Variants in ING5 observed in about 807,000 individuals in gnomAD.
The protein encoded by ING5 is inhibitor of growth family member 5, also known as inhibitor of growth protein 5.
A neutral mutation model predicts 37.4 loss-of-function variants in ING5; 17 were observed. That is an observed-to-expected ratio of 0.45 (90% CI 0.31 to 0.68). ING5 has a LOEUF of 0.68. Ranked by LOEUF, ING5 falls within the 30% of genes least tolerant of loss-of-function variation. The pLI is 0.05. For synonymous variants in ING5, 123 were observed against 116.6 expected, an observed-to-expected ratio of 1.06 and a Z score of -0.36; for missense variants, 233 against 311.9, an observed-to-expected ratio of 0.75 and a Z score of 1.91.
At chr2:241,703,051 A>C (rs1283016817) in intron 1 of ING5, among the ~76,000 whole-genome samples, 1 of 151,944 alleles carries the variant, frequency 6.6e-6, no homozygotes, top group African/African-American at 2.4e-5. Flanking sequence ...GATTCTGCCC[A>C]TGTGCTCCGC....
rs1341414970 is a variant in ING5 at position 241,725,926 on chromosome 2, G to A, written c.*895G>A. 1 of 152,646 alleles carries A rather than the reference G, an allele frequency of 6.6e-6. No homozygotes were observed. Among genetic ancestry groups the A allele is most frequent in the Non-Finnish European group, 1.5e-5 (1 of 68,042 alleles). 9.5% of individuals were successfully genotyped at this position (152,646 alleles called of 1,614,324 possible). On this transcript the variant is annotated 3_prime_UTR_variant, in exon 8 of 8. Coordinates refer to ENST00000313552, the MANE Select transcript of ING5 (RefSeq NM_032329.6). Reference sequence around the variant, plus strand: ...TCCCAGGCCCGCAGCTCCCGGTCGAGGGGACTCCGATGTGAATTTGTTGTG... The same window carrying A: ...TCCCAGGCCCGCAGCTCCCGGTCGAAGGGACTCCGATGTGAATTTGTTGTG...
intron 5 of ING5, chr2:241,720,379 G>A (rs1345977046): frequency 3.4e-6 from 4 of 1,174,444 alleles, no homozygotes; most frequent in Non-Finnish European, 4.2e-6. Context: ...TCCTGTCCCT[G>A]TGGACTGCCC....
chr2:241,719,500 G>A, intron 5 of ING5: 1 of 1,509,084 alleles, frequency 6.6e-7, no homozygotes, highest in East Asian at 2.5e-5. Flanking sequence ...AGCGTTCTGA[G>A]TCTTCCTGCT....
chr2:241,693,634 G>A (rs191018320), intron 2 of ING5, among the ~76,000 whole-genome samples: 21 of 146,676 alleles, frequency 1.4e-4, no homozygotes, highest in African/African-American at 5.2e-4. Context: ...TAGAGTTGTT[G>A]CACTGAGAAA....
At chr2:241,699,039 G>T (rs569115347), upstream of ING5, among the ~76,000 whole-genome samples, 369 of 113,984 alleles carry the variant, frequency 3.2e-3, 6 homozygotes, top group African/African-American at 0.015. Flanking sequence ...ATTTTTTTTT[G>T]GGGGGGGAGG....
rs1575139101 is a variant in ING5, at chr2:241,720,131, C to T, written c.483-2808C>T. Reference sequence around the variant, plus strand: ...CAGACGGGTCATCCTGAGGACCAGTCGGTTGGACCCAAAGCCTGGCCTGCC... The same window carrying T: ...CAGACGGGTCATCCTGAGGACCAGTTGGTTGGACCCAAAGCCTGGCCTGCC... On this transcript the variant is annotated intron_variant, in intron 5 of 7. Coordinates refer to ENST00000313552, the MANE Select transcript of ING5 (RefSeq NM_032329.6). The T allele has an allele frequency of 1.9e-5, 24 of 1,237,398 alleles. No individual in the cohort carries two copies. In the East Asian group the frequency reaches 5.0e-4, roughly 26 times the overall value. 76.7% of individuals were successfully genotyped at this position (1,237,398 alleles called of 1,614,324 possible). A position where few individuals can be genotyped will look rare whatever the true frequency, so the allele number is the denominator to read the frequency against.
intron 5 of ING5, chr2:241,719,991 TGTCCCATTGCAAGACGTCGAGA>T: frequency 8.0e-7 from 1 of 1,253,892 alleles, no homozygotes; most frequent in East Asian, 3.1e-5. Context: ...GTGCTGCTCC[TGTCCCATTGCAAGACGTCGAGA>T]CAGGCTGGTA....
At chr2:241,710,163 A>G (rs570964787) in intron 3 of ING5, among the ~76,000 whole-genome samples, 65 of 151,530 alleles carry the variant, frequency 4.3e-4, no homozygotes, top group African/African-American at 1.4e-3. Context: ...CTGGAGTGCA[A>G]TGGTGCTATC....
rs1275047325 is a variant in ING5, at chr2:241,693,131, C to T, written c.43+2478C>T. ...CAAATTAGCTGGGTGTGGTGACGGGCGCCTGTAATCCCAGCTACTCAGGAG... is the reference window on the plus strand; with the variant it reads ...CAAATTAGCTGGGTGTGGTGACGGGTGCCTGTAATCCCAGCTACTCAGGAG... On this transcript the variant is annotated intron_variant, in intron 2 of 7. Coordinates refer to the ING5 transcript ENST00000636051. Among the ~76,000 whole-genome samples, 8 of 151,708 alleles carry T rather than the reference C, an allele frequency of 5.3e-5. No homozygotes were observed. In the East Asian group the frequency reaches 5.9e-4, roughly 11 times the overall value.
At chr2:241,703,136 G>A (rs890154578) in intron 1 of ING5, among the ~76,000 whole-genome samples, 14 of 152,172 alleles carry the variant, frequency 9.2e-5, no homozygotes, top group African/African-American at 3.4e-4. Flanking sequence ...TGGAGGGGAG[G>A]CCTTCTCTAT....
intron 2 of ING5, among the ~76,000 whole-genome samples, chr2:241,706,790 T>C (rs1253364164): frequency 6.6e-6 from 1 of 152,126 alleles, no homozygotes; most frequent in Non-Finnish European, 1.5e-5. Flanking sequence ...ATTGCTGCCT[T>C]GTCTCCTAGC....
intron 2 of ING5, among the ~76,000 whole-genome samples, chr2:241,693,504 GTTGCAACCCAGCC>G (rs1345370949): frequency 6.6e-6 from 1 of 151,922 alleles, no homozygotes; most frequent in Non-Finnish European, 1.5e-5. Context: ...CATACCCCTT[GTTGCAACCCAGCC>G]TTGACCAGGC....
chr2:241,690,061 G>C (rs1207789688), exon 2 of ING5: 1 of 152,176 alleles, frequency 6.6e-6, no homozygotes, highest in Non-Finnish European at 1.5e-5. Context: ...GATGCAGAGG[G>C]ACACAGCGCA....
At chr2:241,693,532 G>A (rs1340889631) in intron 2 of ING5, among the ~76,000 whole-genome samples, 3 of 151,952 alleles carry the variant, frequency 2.0e-5, no homozygotes, top group South Asian at 2.1e-4. Context: ...CCAGGCAGAC[G>A]ATGGCAAGGC....
intron 1 of ING5, among the ~76,000 whole-genome samples, chr2:241,704,271 A>C (rs2069833383): frequency 6.6e-6 from 1 of 152,172 alleles, no homozygotes; most frequent in Non-Finnish European, 1.5e-5. Context: ...TGTAGACTTG[A>C]AGTATAAAAC....
rs373402494 is a variant in ING5 at position 241,726,256 on chromosome 2, G to A, written c.*1225G>A. ...AAGAAACCTGAGGGAAAACTGAGAC[G>A]TGAGGTTCCTGATTTAAGAAGCCTG... On this transcript the variant is annotated 3_prime_UTR_variant, in exon 8 of 8. Coordinates refer to ENST00000313552, the MANE Select transcript of ING5 (RefSeq NM_032329.6). The A allele has an allele frequency of 5.9e-5, 9 of 152,362 alleles. No homozygotes were observed. The East Asian group carries it at 1.5e-3, about 26-fold the overall frequency. The allele number at this position is 152,362 out of a possible 1,614,324, so 9.4% of individuals were successfully genotyped here. A position where few individuals can be genotyped will look rare whatever the true frequency, so the allele number is the denominator to read the frequency against.
intron 2 of ING5, among the ~76,000 whole-genome samples, chr2:241,692,952 A>G (rs918274371): frequency 6.6e-6 from 1 of 151,912 alleles, no homozygotes; most frequent in Non-Finnish European, 1.5e-5. Flanking sequence ...TCACATTAGG[A>G]CTTCATTTAA....
chr2:241,717,398 C>A (rs574022416), intron 5 of ING5, among the ~76,000 whole-genome samples: 1 of 152,064 alleles, frequency 6.6e-6, no homozygotes, highest in East Asian at 1.9e-4. Flanking sequence ...TATTTATTTT[C>A]TTTCTTTAAA....
upstream of ING5, among the ~76,000 whole-genome samples, chr2:241,700,954 G>T (rs995857967): frequency 6.9e-6 from 1 of 144,548 alleles, no homozygotes; most frequent in South Asian, 2.2e-4. Context: ...TGTTTCTCCA[G>T]TATTTTTTTT....
Sources: allele counts gnomAD v4.1 joint callset (sites outside exome capture counted in the v4.1 genomes callset), GRCh38; gene constraint gnomAD v4.1.1; transcripts MANE v1.5; gene names NCBI Gene and HGNC (gene_info 2026-07-23, HGNC 2026-07-21).